Variants in UPF1 observed in about 807,000 individuals in gnomAD.
The protein encoded by UPF1 is regulator of nonsense transcripts 1.
UPF1 carries 9 observed loss-of-function variants against 129.2 expected under a neutral mutation model. That is an observed-to-expected ratio of 0.07 (90% CI 0.04 to 0.12). The LOEUF is 0.12. UPF1 is among the 10% of genes least tolerant of loss of function. The probability of loss-of-function intolerance (pLI) is 1.00; values close to 1 mark genes in which losing one functional copy is unlikely to be tolerated. For missense variants in UPF1, 788 were observed against 1,525.3 expected (o/e 0.52, Z 8.05); for synonymous variants, 649 against 644.9 (o/e 1.01, Z -0.10).
rs2055856020 is a variant in UPF1 at position 18,866,985 on chromosome 19, C to T, written c.*468C>T. 1 of 152,642 alleles carries T rather than the reference C, an allele frequency of 6.6e-6. No homozygotes were observed. The highest frequency in any genetic ancestry group is 1.5e-5 in the Non-Finnish European group (1 of 68,050). The allele number at this position is 152,642 out of a possible 1,614,324, so 9.5% of individuals were successfully genotyped here. A position where few individuals can be genotyped will look rare whatever the true frequency, so the allele number is the denominator to read the frequency against. On this transcript the variant is annotated 3_prime_UTR_variant, in exon 24 of 24. Transcript: ENST00000262803. ...CCCCGGGAGGGCGCGTCTGTCCACG[C>T]CTACCGGACGCGCCGAGGTCGCGCT...
intron 1 of UPF1, among the ~76,000 whole-genome samples, chr19:18,835,550 C>T (rs892718411): frequency 1.3e-5 from 2 of 152,090 alleles, no homozygotes; most frequent in African/African-American, 4.8e-5. Flanking sequence ...ACCATGTTGG[C>T]CAGATGGTCT....
chr19:18,853,293 A>G lies in UPF1; in HGVS notation c.1099A>G (p.Lys367Glu), dbSNP rs1260938916. ...MQGDEICLRY[K>E]GDLAPLWKGI... ...GGGGGATGAGATATGCCTGCGGTAC[A>G]AAGGGGACCTTGCGCCCCTGTGGAA... Residue 367 changes from lysine (K) to glutamate (E), a missense_variant, in exon 8 of 24, where the codon AAA (lysine) becomes GAA (glutamate). By Grantham distance (56) the Lys-to-Glu change is moderately conservative (BLOSUM62 1). Coordinates refer to ENST00000262803, the MANE Select transcript of UPF1 (RefSeq NM_002911.4). The surrounding 1 kb of genome is among the most constrained non-coding windows in gnomAD (Gnocchi z 4.4). 3 of 1,613,432 alleles carry G rather than the reference A, an allele frequency of 1.9e-6. No homozygotes were observed. The highest frequency in any genetic ancestry group is 2.5e-6 in the Non-Finnish European group (3 of 1,179,540).
In UPF1 at chr19:18,851,930, T is replaced by C. The variant is rs145302999; in HGVS notation, c.811-205T>C. The stretch of plus-strand genomic sequence containing the variant: ...GAGGCCCAGGCATGGGCCAGGCCGG[T>C]GTGCAGCTCCCTGTGTGGCATGGAG... On this transcript the variant is annotated intron_variant, in intron 5 of 23. Coordinates refer to ENST00000262803, the MANE Select transcript of UPF1 (RefSeq NM_002911.4). The surrounding 1 kb of genome is among the most constrained non-coding windows in gnomAD (Gnocchi z 4.2). 9.9e-3 allele frequency among the ~76,000 whole-genome samples: 1,512 copies of C among 152,264 alleles called. 27 individuals are homozygous for C. Among genetic ancestry groups the C allele is most frequent in the African/African-American group, 0.034 (1,405 of 41,552 alleles).
chr19:18,838,844 A>G (rs1441795088), intron 1 of UPF1, among the ~76,000 whole-genome samples: 1 of 152,224 alleles, frequency 6.6e-6, no homozygotes, highest in African/African-American at 2.4e-5. Flanking sequence ...CCCAGTGATT[A>G]TGTGAAAGTG....
intron 3 of UPF1, chr19:18,849,551 CT>C: frequency 5.9e-6 from 1 of 168,806 alleles, no homozygotes; most frequent in South Asian, 1.2e-4. Flanking sequence ...TCTGCTCAAC[CT>C]TTTTGCTGCT....
intron 8 of UPF1, among the ~76,000 whole-genome samples, chr19:18,854,103 T>G (rs2055689738): frequency 6.6e-6 from 1 of 152,200 alleles, no homozygotes; most frequent in East Asian, 1.9e-4. Context: ...GAGGGCAGTT[T>G]GCTTGTGTAT....
intron 1 of UPF1, among the ~76,000 whole-genome samples, chr19:18,840,287 A>T (rs551560266): frequency 3.3e-5 from 5 of 152,240 alleles, no homozygotes; most frequent in Admixed American, 6.5e-5. Flanking sequence ...CTGCCAGGGT[A>T]CCGGCTGCCC....
In UPF1 at chr19:18,865,038, A is replaced by G. The variant is rs1023466469; in HGVS notation, c.2858-251A>G. Among the ~76,000 whole-genome samples, 5 of 152,146 alleles carry G rather than the reference A, an allele frequency of 3.3e-5. No homozygotes were observed. The highest frequency in any genetic ancestry group is 3.4e-3 in the Middle Eastern group (1 of 294). On this transcript the variant is annotated intron_variant, in intron 20 of 23. Coordinates refer to ENST00000262803, the MANE Select transcript of UPF1 (RefSeq NM_002911.4). This position sits in a 1 kb window ranked among gnomAD's most constrained non-coding sequence, Gnocchi z 6.1. ...GCTTGAGCCAACACGCCCGGCCCCA[A>G]TTTTCAGTTTTTAAGATCTGTGTAG... is the stretch of plus-strand genomic sequence containing the variant.
chr19:18,836,838 C>G (rs1466817565), intron 1 of UPF1, among the ~76,000 whole-genome samples: 1 of 151,078 alleles, frequency 6.6e-6, no homozygotes, highest in African/African-American at 2.4e-5. Context: ...ACTGCAACCT[C>G]CACCTCCTGG....
At position 18,832,738 on chromosome 19, in the gene UPF1, C is replaced by T. The variant is rs933513317; in HGVS notation, c.231+298C>T. On this transcript the variant is annotated intron_variant, in intron 1 of 23. Coordinates refer to ENST00000262803, the MANE Select transcript of UPF1 (RefSeq NM_002911.4). This position sits in a 1 kb window ranked among gnomAD's most constrained non-coding sequence, Gnocchi z 5.6. ...CAGACTTGCCTCGAGTCCTCCACTT[C>T]GTTCGGGACCGAGCTAACCTGACCC... Among the ~76,000 whole-genome samples, 7 of 152,048 alleles carry T rather than the reference C, an allele frequency of 4.6e-5. No individual in the cohort carries two copies. The highest frequency in any genetic ancestry group is 1.0e-4 in the Non-Finnish European group (7 of 67,978).
chr19:18,865,999 C>T lies in UPF1; in HGVS notation c.3238-45C>T. 1 of 1,609,266 alleles carries T rather than the reference C, an allele frequency of 6.2e-7. No homozygotes were observed. Among genetic ancestry groups the T allele is most frequent in the Non-Finnish European group, 8.5e-7 (1 of 1,178,730 alleles). Reference sequence around the variant, plus strand: ...CTGCTGAGGGCTGGGTGGATGTGAGCACCCTTGGCCTGTGGCTTGCTTACC... The same window carrying T: ...CTGCTGAGGGCTGGGTGGATGTGAGTACCCTTGGCCTGTGGCTTGCTTACC... On this transcript the variant is annotated intron_variant, in intron 22 of 23. Transcript: ENST00000262803. This position sits in a 1 kb window ranked among gnomAD's most constrained non-coding sequence, Gnocchi z 6.1.
intron 19 of UPF1, 152 bp downstream of exon 19, chr19:18,863,764 ACTT>A (rs1211151731): frequency 1.7e-6 from 2 of 1,167,978 alleles, no homozygotes; most frequent in Non-Finnish European, 1.2e-6. Flanking sequence ...GGGCCAGCCC[ACTT>A]CTTGTCTCCC....
chr19:18,865,640 T>G lies in UPF1; in HGVS notation c.3099T>G (p.Thr1033=), dbSNP rs146339873. 6.2e-7 allele frequency: 1 copy of G among 1,613,804 alleles called. No individual in the cohort carries two copies. The highest frequency in any genetic ancestry group is 8.5e-7 in the Non-Finnish European group (1 of 1,180,036). ...TTGGGCTTCCTGGACCCAGCCAGAC[T>G]AACCTCCCCAACAGCCAAGCCAGCC... ...NRFGLPGPSQ[T]NLPNSQASQD... is the part of the protein sequence containing the mutation. The change falls in exon 22 of 24, where the codon ACT becomes ACG. Residue 1033 remains threonine, a synonymous_variant. Transcript: ENST00000262803. This position sits in a 1 kb window ranked among gnomAD's most constrained non-coding sequence, Gnocchi z 6.1.
Position 18,856,719 on chromosome 19 carries a change from G to A in UPF1, c.1825-158G>A, listed in dbSNP as rs1221864324. Among the ~76,000 whole-genome samples, 3 of 152,198 alleles carry A rather than the reference G, an allele frequency of 2.0e-5. No individual in the cohort carries two copies. The East Asian group carries it at 5.8e-4, about 29-fold the overall frequency. On this transcript the variant is annotated intron_variant, in intron 13 of 23. Transcript: ENST00000262803. Reference sequence around the variant, plus strand: ...ATCTTAAAAGTTTGTAATCACCACAGCCTGGACCATGTATCTTGTCTGGGA... The same window carrying A: ...ATCTTAAAAGTTTGTAATCACCACAACCTGGACCATGTATCTTGTCTGGGA...
chr19:18,854,589 C>T lies in UPF1; in HGVS notation c.1157-12C>T, dbSNP rs762255864. On this transcript the variant is annotated splice_polypyrimidine_tract_variant and intron_variant, in intron 8 of 23. Coordinates refer to ENST00000262803, the MANE Select transcript of UPF1 (RefSeq NM_002911.4). ...GCTTTTGACAAGGATGCAAACTTAA[C>T]TCAGCACACAGATTATGGCGATGAG... 1 of 1,600,366 alleles carries T rather than the reference C, an allele frequency of 6.2e-7. No individual in the cohort carries two copies. Among genetic ancestry groups the T allele is most frequent in the South Asian group, 1.1e-5 (1 of 90,240 alleles).
At chr19:18,833,237 A>G (rs1421290740) in intron 1 of UPF1, 1 of 152,202 alleles carries the variant, frequency 6.6e-6, no homozygotes, top group East Asian at 1.9e-4. Flanking sequence ...TTTGCCTCCC[A>G]TGGAGGAGCA....
chr19:18,868,154 C>T lies in UPF1; in HGVS notation c.*1637C>T, dbSNP rs566488297. 37 of 236,138 alleles carry T rather than the reference C, an allele frequency of 1.6e-4. No individual in the cohort carries two copies. Among genetic ancestry groups the T allele is most frequent in the African/African-American group, 7.8e-4 (35 of 44,710 alleles). 14.6% of individuals were successfully genotyped at this position (236,138 alleles called of 1,614,324 possible). A position where few individuals can be genotyped will look rare whatever the true frequency, so the allele number is the denominator to read the frequency against. The stretch of plus-strand genomic sequence containing the variant: ...CTTGACAAACCCAGGCGCACTGTAC[C>T]AAGGCAATGTAACTTTTGATTTTCG... On this transcript the variant is annotated 3_prime_UTR_variant, in exon 24 of 24. Transcript: ENST00000262803.
intron 15 of UPF1, 138 bp from the exon 16 acceptor site, chr19:18,860,183 C>T (rs1243758067): frequency 2.2e-6 from 2 of 911,470 alleles, no homozygotes; most frequent in Non-Finnish European, 3.4e-6. Context: ...CAGGTGACCT[C>T]ACCAGGGCCT....
intron 1 of UPF1, among the ~76,000 whole-genome samples, chr19:18,835,648 A>G (rs1236557086): frequency 6.6e-6 from 1 of 152,170 alleles, no homozygotes; most frequent in East Asian, 1.9e-4. Context: ...CCAGCATTTC[A>G]TTCCTTTTTA....
Sources: gnomAD v4.1 joint callset for allele counts (sites outside exome capture counted in the v4.1 genomes callset) on GRCh38, gnomAD v4.1.1 for gene constraint, Gnocchi (gnomAD v3.1) non-coding constraint, MANE v1.5 for transcripts, NCBI Gene and HGNC (gene_info 2026-07-23, HGNC 2026-07-21) for gene names.